The following PLCB1 variants were observed in gnomAD, a reference collection of about 807,000 sequenced individuals.
PLCB1 encodes the protein phospholipase C beta 1, also known as 1-phosphatidylinositol 4,5-bisphosphate phosphodiesterase beta-1.
PLCB1 carries 46 observed loss-of-function variants against 161.8 expected under a neutral mutation model. The ratio of observed to expected loss-of-function variants is 0.28; its 90% CI spans 0.22 to 0.36. PLCB1 has a LOEUF of 0.36. PLCB1 is among the 10% of genes least tolerant of loss of function. PLCB1 has a pLI of 1.00. For synonymous variants in PLCB1, 517 were observed against 503.7 expected (o/e 1.03, Z -0.35); for missense variants, 1,016 against 1,472.5 (o/e 0.69, Z 5.07).
intron 10 of PLCB1, among the ~76,000 whole-genome samples, chr20:8,696,197 C>A (rs1443141841): frequency 6.6e-6 from 1 of 152,146 alleles, no homozygotes; most frequent in East Asian, 1.9e-4. Flanking sequence ...AGGTAAGGAT[C>A]CAAGTTCTTC....
intron 3 of PLCB1, among the ~76,000 whole-genome samples, chr20:8,432,209 G>A (rs1179257557): frequency 6.6e-6 from 1 of 152,158 alleles, no homozygotes; most frequent in Non-Finnish European, 1.5e-5. Context: ...CGCTCCGCAA[G>A]GCCAGAATCC....
chr20:8,248,221 G>T (rs2123217366), intron 2 of PLCB1, among the ~76,000 whole-genome samples: 1 of 152,016 alleles, frequency 6.6e-6, no homozygotes, highest in East Asian at 2.0e-4. Context: ...AGTATGTCCT[G>T]CCTGGAGGCA....
chr20:8,323,282 A>G (rs1984995455), intron 2 of PLCB1, among the ~76,000 whole-genome samples: 1 of 152,218 alleles, frequency 6.6e-6, no homozygotes, highest in Non-Finnish European at 1.5e-5. Flanking sequence ...CAATTGCTGT[A>G]TAACATAACA....
intron 4 of PLCB1, among the ~76,000 whole-genome samples, chr20:8,644,141 G>A (rs1265625524): frequency 9.9e-5 from 15 of 152,090 alleles, no homozygotes; most frequent in South Asian, 2.1e-4. Context: ...ATCTCGGCTC[G>A]CTACAACATC....
At chr20:8,852,580 C>T (rs1377351458) in intron 31 of PLCB1, among the ~76,000 whole-genome samples, 2 of 152,134 alleles carry the variant, frequency 1.3e-5, no homozygotes, top group African/African-American at 4.8e-5. Flanking sequence ...AGTAGAGGGT[C>T]AGTTACAGAC....
chr20:8,247,509 T>C (rs1980934020), intron 2 of PLCB1, among the ~76,000 whole-genome samples: 1 of 152,066 alleles, frequency 6.6e-6, no homozygotes, highest in East Asian at 1.9e-4. Context: ...TATTTTTTAA[T>C]TCACATATAG....
At chr20:8,465,783 C>G (rs1017059063) in intron 3 of PLCB1, among the ~76,000 whole-genome samples, 45 of 151,522 alleles carry the variant, frequency 3.0e-4, no homozygotes, top group African/African-American at 8.2e-4. Context: ...GATACCATCT[C>G]ACACCAGTTA....
chr20:8,678,204 G>A (rs184464603), intron 9 of PLCB1, among the ~76,000 whole-genome samples: 6 of 152,230 alleles, frequency 3.9e-5, no homozygotes, highest in Non-Finnish European at 8.8e-5. Flanking sequence ...AAAAATAATT[G>A]TTAGGTTACT....
chr20:8,586,469 TA>T (rs1350354207), intron 3 of PLCB1, among the ~76,000 whole-genome samples: 1 of 152,118 alleles, frequency 6.6e-6, no homozygotes, highest in Non-Finnish European at 1.5e-5. Flanking sequence ...TTAGTGATGG[TA>T]GCAGAGTTAT....
chr20:8,144,254 T>C (rs988652895), intron 1 of PLCB1, among the ~76,000 whole-genome samples: 1 of 152,174 alleles, frequency 6.6e-6, no homozygotes, highest in Admixed American at 6.5e-5. Context: ...ACTGAAATTA[T>C]TGGTTTTTCT....
chr20:8,206,204 AG>A (rs1978519737), intron 2 of PLCB1, among the ~76,000 whole-genome samples: 1 of 152,230 alleles, frequency 6.6e-6, no homozygotes, highest in Admixed American at 6.5e-5. Flanking sequence ...TATAGATGTT[AG>A]CACAGTGGCT....
chr20:8,445,069 T>C (rs1346777245), intron 3 of PLCB1, among the ~76,000 whole-genome samples: 1 of 152,220 alleles, frequency 6.6e-6, no homozygotes, highest in African/African-American at 2.4e-5. Flanking sequence ...CATTTGTCAA[T>C]TTTGGCTTTT....
chr20:8,463,841 C>T (rs1981696135), intron 3 of PLCB1, among the ~76,000 whole-genome samples: 1 of 152,170 alleles, frequency 6.6e-6, no homozygotes. Flanking sequence ...ACACATTAGA[C>T]ATTTTTACTA....
In PLCB1 at chr20:8,403,862, A is replaced by G. The variant is rs571699947; in HGVS notation, c.246+32412A>G. The stretch of plus-strand genomic sequence containing the variant: ...TCAGTATCTTCAGGAGACTAACCAT[A>G]TGGGAATGGTTTACTAGTAACTCAT... On this transcript the variant is annotated intron_variant, in intron 3 of 31. Coordinates refer to ENST00000338037, the MANE Select transcript of PLCB1 (RefSeq NM_015192.4). 1.8e-4 allele frequency among the ~76,000 whole-genome samples: 27 copies of G among 152,308 alleles called. 1 individual carries two copies. Among genetic ancestry groups the G allele is most frequent in the Admixed American group, 7.8e-4 (12 of 15,304 alleles).
chr20:8,506,871 T>A (rs1442912001), intron 3 of PLCB1, among the ~76,000 whole-genome samples: 1 of 152,186 alleles, frequency 6.6e-6, no homozygotes, highest in African/African-American at 2.4e-5. Context: ...AAATATTACA[T>A]AGGTCTATTC....
chr20:8,156,217 G>A (rs1168729708), intron 2 of PLCB1, among the ~76,000 whole-genome samples: 2 of 152,184 alleles, frequency 1.3e-5, no homozygotes, highest in Non-Finnish European at 2.9e-5. Flanking sequence ...TCACCAATGG[G>A]ATTCAGTGGA....
chr20:8,241,642 A>G (rs1980618029), intron 2 of PLCB1, among the ~76,000 whole-genome samples: 1 of 151,836 alleles, frequency 6.6e-6, no homozygotes, highest in South Asian at 2.1e-4. Flanking sequence ...CTTACAACCC[A>G]TGTTGTAAGT....
At chr20:8,237,256 T>G in intron 2 of PLCB1, among the ~76,000 whole-genome samples, 1 of 152,026 alleles carries the variant, frequency 6.6e-6, no homozygotes, top group East Asian at 1.9e-4. Flanking sequence ...TCATAATATA[T>G]GTCAATAGTG....
At chr20:8,722,326 A>G in intron 14 of PLCB1, 28 bp from the exon 15 acceptor site, 2 of 1,554,756 alleles carry the variant, frequency 1.3e-6, no homozygotes, top group Non-Finnish European at 1.8e-6. Flanking sequence ...AAATGGTGAC[A>G]TGATGATCTG....
Sources: gnomAD v4.1 joint callset for allele counts (sites outside exome capture counted in the v4.1 genomes callset) on GRCh38, gnomAD v4.1.1 for gene constraint, MANE v1.5 for transcripts, NCBI Gene and HGNC (gene_info 2026-07-23, HGNC 2026-07-21) for gene names.